The following SSBP2 variants were observed in gnomAD, a reference collection of about 807,000 sequenced individuals.
SSBP2 encodes single stranded DNA binding protein 2.
A neutral mutation model predicts 61.8 loss-of-function variants in SSBP2; 17 were observed. The ratio of observed to expected loss-of-function variants is 0.28; its 90% CI spans 0.19 to 0.41. SSBP2 has a LOEUF of 0.41. SSBP2 is among the 10% of genes least tolerant of loss of function. SSBP2 has a pLI of 1.00. For synonymous variants in SSBP2, 139 were observed against 141.3 expected, an observed-to-expected ratio of 0.98 and a Z score of 0.12; for missense variants, 310 against 458.7, an observed-to-expected ratio of 0.68 and a Z score of 2.96.
At chr5:81,566,756 A>G (rs1013058654) in intron 4 of SSBP2, among the ~76,000 whole-genome samples, 10 of 152,224 alleles carry the variant, frequency 6.6e-5, no homozygotes, top group African/African-American at 2.4e-4. Flanking sequence ...GTTTGACAAA[A>G]ATGCTTATAG....
intron 4 of SSBP2, among the ~76,000 whole-genome samples, chr5:81,567,431 G>A (rs1317126569): frequency 2.6e-5 from 4 of 152,224 alleles, no homozygotes; most frequent in Non-Finnish European, 5.9e-5. Context: ...TGAGGTTTGG[G>A]AACCTCTGCC....
chr5:81,463,129 TTAAG>T (rs1266538132), intron 9 of SSBP2, among the ~76,000 whole-genome samples: 4 of 152,118 alleles, frequency 2.6e-5, no homozygotes, highest in African/African-American at 9.7e-5. Context: ...CATTTTACTA[TTAAG>T]TATTAATAAT....
intron 1 of SSBP2, among the ~76,000 whole-genome samples, chr5:81,669,944 T>C (rs139890925): frequency 8.6e-4 from 130 of 150,980 alleles, no homozygotes; most frequent in Non-Finnish European, 1.6e-3. Flanking sequence ...TCCAACTTTA[T>C]GACATACTGG....
chr5:81,507,759 A>G (rs1465052416), intron 5 of SSBP2, among the ~76,000 whole-genome samples: 1 of 152,126 alleles, frequency 6.6e-6, no homozygotes, highest in Non-Finnish European at 1.5e-5. Context: ...CATTGCATTA[A>G]TGTTCTATAA....
chr5:81,560,716 G>C (rs1052572569), intron 4 of SSBP2, among the ~76,000 whole-genome samples: 5 of 152,050 alleles, frequency 3.3e-5, no homozygotes, highest in Admixed American at 3.3e-4. Flanking sequence ...TTTTCCTTAA[G>C]TATTCTGATT....
chr5:81,475,995 C>T (rs556885413), intron 6 of SSBP2, among the ~76,000 whole-genome samples: 1 of 152,198 alleles, frequency 6.6e-6, no homozygotes, highest in African/African-American at 2.4e-5. Context: ...AGAAACTGCA[C>T]AAAGAATTTC....
At chr5:81,590,897 T>C (rs1581109121) in intron 4 of SSBP2, among the ~76,000 whole-genome samples, 1 of 152,194 alleles carries the variant, frequency 6.6e-6, no homozygotes, top group East Asian at 1.9e-4. Context: ...AACCAGGACG[T>C]CCCCTAACTC....
chr5:81,700,170 C>T (rs1753878997), intron 1 of SSBP2, among the ~76,000 whole-genome samples: 1 of 152,042 alleles, frequency 6.6e-6, no homozygotes, highest in African/African-American at 2.4e-5. Flanking sequence ...TTAATTAAGA[C>T]CTGAAAGTCA....
intron 3 of SSBP2, among the ~76,000 whole-genome samples, chr5:81,627,587 G>C (rs977693230): frequency 7.9e-5 from 12 of 152,104 alleles, no homozygotes; most frequent in African/African-American, 2.9e-4. Flanking sequence ...AAAATAATTA[G>C]AGTGCTAGCA....
At chr5:81,511,565 GT>G (rs1328842569) in intron 5 of SSBP2, among the ~76,000 whole-genome samples, 2 of 152,154 alleles carry the variant, frequency 1.3e-5, no homozygotes, top group East Asian at 3.9e-4. Context: ...TTTTGATGCA[GT>G]CACGCTTTTG....
chr5:81,591,247 C>T (rs1775476978), intron 4 of SSBP2, among the ~76,000 whole-genome samples: 1 of 152,186 alleles, frequency 6.6e-6, no homozygotes, highest in South Asian at 2.1e-4. Flanking sequence ...AACCCAAGCC[C>T]AGCTCAGCCC....
chr5:81,459,148 A>C (rs1287879128), intron 10 of SSBP2, among the ~76,000 whole-genome samples: 3 of 152,174 alleles, frequency 2.0e-5, no homozygotes, highest in Admixed American at 6.5e-5. Flanking sequence ...CTCAGGGTCT[A>C]AAATAATGCA....
chr5:81,734,168 C>A (rs1186420985), intron 1 of SSBP2, among the ~76,000 whole-genome samples: 1 of 152,078 alleles, frequency 6.6e-6, no homozygotes, highest in Non-Finnish European at 1.5e-5. Context: ...ATACTTGTTT[C>A]TTTGCCTTTT....
rs1038703500 is a variant in SSBP2, at chr5:81,474,560, T to G, written c.435A>C (p.Ala145=). 1 of 1,604,884 alleles carries G rather than the reference T, an allele frequency of 6.2e-7. No homozygotes were observed. Among genetic ancestry groups the G allele is most frequent in the Non-Finnish European group, 8.5e-7 (1 of 1,175,466 alleles). Reference sequence around the variant, plus strand: ...GCTGACTTCCTGGGACACCTCCAAGTGCCTAGCAATTTATTAAGAAAAATA... The same window carrying G: ...GCTGACTTCCTGGGACACCTCCAAGGGCCTAGCAATTTATTAAGAAAAATA... The change falls in exon 7 of 17, where the codon GCA becomes GCC. Residue 145 remains alanine, a splice_region_variant and synonymous_variant. Transcript: ENST00000320672.
chr5:81,437,599 C>T, intron 14 of SSBP2, 141 bp from the exon 15 acceptor site: 1 of 691,680 alleles, frequency 1.4e-6, no homozygotes, highest in Non-Finnish European at 2.4e-6. Context: ...TGAAAAAATT[C>T]CTCTTCTTTT....
intron 1 of SSBP2, among the ~76,000 whole-genome samples, chr5:81,721,260 T>C (rs1287425938): frequency 6.6e-6 from 1 of 152,112 alleles, no homozygotes; most frequent in East Asian, 1.9e-4. Flanking sequence ...TTAATCCTTC[T>C]AGATCAGGCT....
At chr5:81,592,254 G>C (rs1291237757) in intron 4 of SSBP2, among the ~76,000 whole-genome samples, 1 of 152,222 alleles carries the variant, frequency 6.6e-6, no homozygotes, top group Non-Finnish European at 1.5e-5. Flanking sequence ...AGCAGTCCAA[G>C]ATCAAACTGC....
At position 81,417,037 on chromosome 5, in the gene SSBP2, T is replaced by G. The variant is rs1470641200; in HGVS notation, c.*3467A>C. 6.6e-6 allele frequency: 1 copy of G among 152,148 alleles called. No homozygotes were observed. Among genetic ancestry groups the G allele is most frequent in the East Asian group, 1.9e-4 (1 of 5,190 alleles). The allele number at this position is 152,148 out of a possible 1,614,324, so 9.4% of individuals were successfully genotyped here. A position where few individuals can be genotyped will look rare whatever the true frequency, so the allele number is the denominator to read the frequency against. On this transcript the variant is annotated 3_prime_UTR_variant, in exon 17 of 17. Coordinates refer to ENST00000320672, the MANE Select transcript of SSBP2 (RefSeq NM_012446.5). The stretch of plus-strand genomic sequence containing the variant: ...CCACCATACCTGGCTAATTTTTGTA[T>G]TTTTAGTAGAGATGGGGGGGTTTCA...
intron 1 of SSBP2, among the ~76,000 whole-genome samples, chr5:81,736,669 T>C (rs940236928): frequency 6.6e-6 from 1 of 152,250 alleles, no homozygotes; most frequent in Non-Finnish European, 1.5e-5. Context: ...ATTACTCAAA[T>C]AATAAAAAGT....
Sources: allele counts gnomAD v4.1 joint callset (sites outside exome capture counted in the v4.1 genomes callset), GRCh38; gene constraint gnomAD v4.1.1; transcripts MANE v1.5; gene names NCBI Gene and HGNC (gene_info 2026-07-23, HGNC 2026-07-21).